PIGL: variants seen among roughly 807,000 people sequenced by gnomAD.
The protein encoded by PIGL is N-acetylglucosaminyl-phosphatidylinositol de-N-acetylase.
A neutral mutation model predicts 31.1 loss-of-function variants in PIGL; 22 were observed. The ratio of observed to expected loss-of-function variants is 0.71; its 90% confidence interval spans 0.51 to 1.01. The LOEUF is 1.01. PIGL is among the 50% of genes least tolerant of loss of function. The pLI is 0.00. For synonymous variants in PIGL, 131 were observed against 117.4 expected, an observed-to-expected ratio of 1.12 and a Z score of -0.75; for missense variants, 302 against 315.9, an observed-to-expected ratio of 0.96 and a Z score of 0.33.
intron 1 of PIGL, among the ~76,000 whole-genome samples, chr17:16,226,071 T>C (rs995516457): frequency 5.9e-5 from 9 of 151,650 alleles, no homozygotes; most frequent in African/African-American, 2.2e-4. Flanking sequence ...CTTGGGAGGC[T>C]GAGGTGGAAG....
At chr17:16,277,404 G>A (rs766000700) in intron 2 of PIGL, among the ~76,000 whole-genome samples, 33 of 152,144 alleles carry the variant, frequency 2.2e-4, no homozygotes, top group Admixed American at 7.2e-4. Context: ...TTCAAATTTT[G>A]TTCACAGGAG....
At chr17:16,273,568 G>A (rs1447193945) in intron 2 of PIGL, among the ~76,000 whole-genome samples, 3 of 152,158 alleles carry the variant, frequency 2.0e-5, no homozygotes, top group East Asian at 1.9e-4. Flanking sequence ...GAACCAATAG[G>A]TATGGTCACG....
At chr17:16,238,249 A>G (rs1237949961) in intron 2 of PIGL, among the ~76,000 whole-genome samples, 1 of 151,524 alleles carries the variant, frequency 6.6e-6, no homozygotes, top group Non-Finnish European at 1.5e-5. Flanking sequence ...GGCTGGTATT[A>G]TGGTATTATG....
chr17:16,294,543 G>T (rs1436873118), intron 2 of PIGL, among the ~76,000 whole-genome samples: 1 of 152,222 alleles, frequency 6.6e-6, no homozygotes, highest in Non-Finnish European at 1.5e-5. Flanking sequence ...ACAGTGAGAG[G>T]CAGGTGGCCA....
chr17:16,229,985 C>T (rs1410571873), intron 1 of PIGL, among the ~76,000 whole-genome samples: 3 of 151,614 alleles, frequency 2.0e-5, no homozygotes, highest in Non-Finnish European at 2.9e-5. Flanking sequence ...CCTTAACCTC[C>T]CGAGTAGCTG....
rs542501171 is a variant in PIGL, at chr17:16,222,949, T to C, written c.235+5488T>C. On this transcript the variant is annotated intron_variant, in intron 1 of 6. Transcript: ENST00000225609. Reference sequence around the variant, plus strand: ...ATCGCTTGAACCCAGTAGGTGGAGATTGCAGTGAGCAGAGATTGTGCCATT... The same window carrying C: ...ATCGCTTGAACCCAGTAGGTGGAGACTGCAGTGAGCAGAGATTGTGCCATT... Among the ~76,000 whole-genome samples, 319 of 151,962 alleles carry C rather than the reference T, an allele frequency of 2.1e-3. 1 individual carries two copies. The highest frequency in any genetic ancestry group is 7.5e-3 in the African/African-American group (311 of 41,462).
intron 2 of PIGL, among the ~76,000 whole-genome samples, chr17:16,272,456 T>C (rs897962249): frequency 2.6e-5 from 4 of 152,218 alleles, no homozygotes; most frequent in Non-Finnish European, 4.4e-5. Context: ...GATTCTCTCA[T>C]CATTAAAAAC....
At chr17:16,314,427 G>C (rs1170669444) in intron 4 of PIGL, among the ~76,000 whole-genome samples, 1 of 152,224 alleles carries the variant, frequency 6.6e-6, no homozygotes, top group Non-Finnish European at 1.5e-5. Context: ...GAAGTGGTTT[G>C]CCCAGCACCA....
At chr17:16,317,673 C>T in intron 5 of PIGL, 102 bp from the exon 6 acceptor site, 7 of 1,569,886 alleles carry the variant, frequency 4.5e-6, no homozygotes, top group Non-Finnish European at 6.0e-6. Context: ...TGGCCACTGT[C>T]CTGCCCTGCC....
intron 2 of PIGL, among the ~76,000 whole-genome samples, chr17:16,274,940 G>T (rs1383988959): frequency 6.6e-6 from 1 of 151,648 alleles, no homozygotes; most frequent in Non-Finnish European, 1.5e-5. Flanking sequence ...GCTGGGGCAG[G>T]AGAATGGCTG....
At chr17:16,240,117 T>C (rs2092716570) in intron 2 of PIGL, among the ~76,000 whole-genome samples, 1 of 152,148 alleles carries the variant, frequency 6.6e-6, no homozygotes, top group African/African-American at 2.4e-5. Context: ...GGTACTGTCC[T>C]TGTCAGTGAG....
intron 2 of PIGL, among the ~76,000 whole-genome samples, chr17:16,248,922 T>A (rs1234196444): frequency 2.0e-5 from 3 of 152,206 alleles, no homozygotes. Flanking sequence ...GTAAGGGTCC[T>A]CAGCCTGACT....
At chr17:16,292,792 G>T (rs919085334) in intron 2 of PIGL, among the ~76,000 whole-genome samples, 2 of 152,104 alleles carry the variant, frequency 1.3e-5, no homozygotes, top group Admixed American at 1.3e-4. Flanking sequence ...CTTGCAGCTT[G>T]GTTTCCTCCT....
chr17:16,270,614 A>G (rs1287055988), intron 2 of PIGL, among the ~76,000 whole-genome samples: 1 of 152,058 alleles, frequency 6.6e-6, no homozygotes, highest in Non-Finnish European at 1.5e-5. Flanking sequence ...TTAAGTAGTC[A>G]GGCCAGGCAC....
At chr17:16,264,539 AAGG>A (rs1269422978) in intron 2 of PIGL, among the ~76,000 whole-genome samples, 1 of 152,042 alleles carries the variant, frequency 6.6e-6, no homozygotes, top group African/African-American at 2.4e-5. Flanking sequence ...ATGTCCTCAC[AAGG>A]AGTTTTGTGT....
At chr17:16,234,476 C>T (rs530707724) in intron 2 of PIGL, among the ~76,000 whole-genome samples, 51 of 150,602 alleles carry the variant, frequency 3.4e-4, no homozygotes, top group Middle Eastern at 7.2e-3. Context: ...CATAAAATAA[C>T]TTCACAGCGG....
chr17:16,274,532 G>A (rs1160601385), intron 2 of PIGL, among the ~76,000 whole-genome samples: 2 of 152,036 alleles, frequency 1.3e-5, no homozygotes, highest in East Asian at 3.9e-4. Context: ...AGATCAGCCT[G>A]GCCAACATGG....
chr17:16,273,602 A>T (rs1183689701), intron 2 of PIGL, among the ~76,000 whole-genome samples: 1 of 145,554 alleles, frequency 6.9e-6, no homozygotes, highest in Non-Finnish European at 1.5e-5. Context: ...TCAGAAAAAA[A>T]AGCAGTGGCA....
At chr17:16,235,839 T>C (rs867081300) in intron 2 of PIGL, among the ~76,000 whole-genome samples, 3 of 151,082 alleles carry the variant, frequency 2.0e-5, no homozygotes, top group African/African-American at 7.3e-5. Context: ...CTGTACTATG[T>C]ACTTTGCATC....
Sources: gnomAD v4.1 joint callset for allele counts (sites outside exome capture counted in the v4.1 genomes callset) on GRCh38, gnomAD v4.1.1 for gene constraint, MANE v1.5 for transcripts, NCBI Gene and HGNC (gene_info 2026-07-23, HGNC 2026-07-21) for gene names.